MAF: variants seen among roughly 807,000 people sequenced by gnomAD.
MAF encodes the protein transcription factor Maf.
A neutral mutation model predicts 22.0 loss-of-function variants in MAF; 10 were observed. That is an observed-to-expected ratio of 0.45 (90% CI 0.28 to 0.77). The LOEUF (loss-of-function observed/expected upper bound fraction) is 0.77, where lower values mean the gene tolerates loss of function less well. Ranked by LOEUF, MAF falls within the 30% of genes least tolerant of loss-of-function variation. The pLI is 0.12. For missense variants in MAF, 544 were observed against 548.4 expected (o/e 0.99, Z 0.08); for synonymous variants, 337 against 255.8 (o/e 1.32, Z -3.03).
the MAF span, among the ~76,000 whole-genome samples, chr16:79,453,653 C>G: frequency 6.6e-6 from 1 of 152,168 alleles, no homozygotes; most frequent in African/African-American, 2.4e-5. Context: ...TTATCCCAAA[C>G]TTTTTCTTGC....
chr16:79,569,279 C>T, the MAF span, among the ~76,000 whole-genome samples: 1 of 152,204 alleles, frequency 6.6e-6, no homozygotes. Context: ...CAGTGGCCCC[C>T]CTGCCTTGAG....
chr16:79,497,700 A>G, the MAF span, among the ~76,000 whole-genome samples: 2 of 152,352 alleles, frequency 1.3e-5, no homozygotes, highest in South Asian at 2.1e-4. Flanking sequence ...TCCTTGGCAT[A>G]TAATGAACAC....
chr16:79,377,800 C>T, the MAF span, among the ~76,000 whole-genome samples: 1 of 152,270 alleles, frequency 6.6e-6, no homozygotes, highest in Admixed American at 6.5e-5. Flanking sequence ...TTCCCCATTT[C>T]TTGTTTTTGT....
the MAF span, among the ~76,000 whole-genome samples, chr16:79,538,365 A>C: frequency 6.6e-6 from 1 of 152,230 alleles, no homozygotes; most frequent in Non-Finnish European, 1.5e-5. Context: ...TTTATACAAA[A>C]ATAATTAAGC....
At chr16:79,372,876 G>A in the MAF span, among the ~76,000 whole-genome samples, 1 of 152,118 alleles carries the variant, frequency 6.6e-6, no homozygotes, top group East Asian at 1.9e-4. Flanking sequence ...CTCACCCACT[G>A]CAGGACCTTC....
At chr16:79,222,138 A>T in the MAF span, among the ~76,000 whole-genome samples, 4 of 152,124 alleles carry the variant, frequency 2.6e-5, no homozygotes, top group Admixed American at 6.6e-5. Flanking sequence ...AGAAACCCTA[A>T]AAGCCAGAAG....
chr16:79,365,108 G>C, the MAF span, among the ~76,000 whole-genome samples: 1 of 152,154 alleles, frequency 6.6e-6, no homozygotes, highest in East Asian at 1.9e-4. Flanking sequence ...ACATTGAGTT[G>C]GGTTTTGGGT....
the MAF span, among the ~76,000 whole-genome samples, chr16:79,421,654 T>TTTTTTTTTTTTA: frequency 1.4e-5 from 2 of 143,548 alleles, no homozygotes; most frequent in African/African-American, 5.2e-5. Context: ...TTTTTTTTTT[T>TTTTTTTTTTTTA]GAGACAGGTT....
At chr16:79,301,168 T>C in the MAF span, among the ~76,000 whole-genome samples, 4 of 152,246 alleles carry the variant, frequency 2.6e-5, no homozygotes, top group Admixed American at 6.5e-5. Context: ...TCAGGAGAAG[T>C]GGCCCGCAGG....
chr16:79,489,249 C>T, the MAF span, among the ~76,000 whole-genome samples: 19 of 152,118 alleles, frequency 1.2e-4, no homozygotes, highest in Non-Finnish European at 2.6e-4. Context: ...ACTCATCCAT[C>T]TATTTATCCA....
chr16:79,223,724 A>G, the MAF span, among the ~76,000 whole-genome samples: 1 of 152,232 alleles, frequency 6.6e-6, no homozygotes, highest in Non-Finnish European at 1.5e-5. Flanking sequence ...AGAGAATACT[A>G]TAAACACCTC....
chr16:79,286,532 C>A, the MAF span, among the ~76,000 whole-genome samples: 2 of 152,198 alleles, frequency 1.3e-5, no homozygotes, highest in Non-Finnish European at 2.9e-5. Flanking sequence ...ACACCATTAT[C>A]CTTGCATGCA....
At chr16:79,267,949 C>T in the MAF span, among the ~76,000 whole-genome samples, 2 of 152,132 alleles carry the variant, frequency 1.3e-5, no homozygotes, top group African/African-American at 4.8e-5. Context: ...CGGGGGCACG[C>T]CTTTCCCCTG....
chr16:79,384,601 C>CA, the MAF span, among the ~76,000 whole-genome samples: 5 of 151,552 alleles, frequency 3.3e-5, no homozygotes, highest in East Asian at 7.8e-4. Context: ...ACTAAAAATA[C>CA]AAAAAATTAG....
At chr16:79,369,585 C>T in the MAF span, among the ~76,000 whole-genome samples, 3,374 of 152,286 alleles carry the variant, frequency 0.022, 69 homozygotes, top group Middle Eastern at 0.058. Context: ...CCTGCCACAG[C>T]CTCAGGGATT....
the MAF span, among the ~76,000 whole-genome samples, chr16:79,421,627 G>A: frequency 7.3e-6 from 1 of 136,288 alleles, no homozygotes; most frequent in South Asian, 2.6e-4. Context: ...GTTAGTAAAT[G>A]AAGAAAAGTG....
the MAF span, among the ~76,000 whole-genome samples, chr16:79,243,853 A>G: frequency 5.3e-5 from 8 of 152,102 alleles, no homozygotes; most frequent in African/African-American, 1.7e-4. Flanking sequence ...CAGCACATCA[A>G]AAAGGTTGCC....
chr16:79,333,299 AGACTCT>A, the MAF span, among the ~76,000 whole-genome samples: 1 of 152,174 alleles, frequency 6.6e-6, no homozygotes, highest in Non-Finnish European at 1.5e-5. Context: ...ACCTGAGCTC[AGACTCT>A]GGGATCAGGG....
the MAF span, among the ~76,000 whole-genome samples, chr16:79,342,280 T>C: frequency 6.6e-6 from 1 of 152,132 alleles, no homozygotes. Context: ...CAAGTGCCCC[T>C]TGCCAAGAAA....
Sources: gnomAD v4.1 joint callset for allele counts (sites outside exome capture counted in the v4.1 genomes callset) on GRCh38, gnomAD v4.1.1 for gene constraint, MANE v1.5 for transcripts, NCBI Gene and HGNC (gene_info 2026-07-23, HGNC 2026-07-21) for gene names.